Variants in ZMIZ1 observed in about 807,000 individuals in gnomAD.
ZMIZ1 encodes zinc finger MIZ-type containing 1, also known as zinc finger MIZ domain-containing protein 1.
Under a neutral mutation model 113.9 loss-of-function variants are expected in ZMIZ1, and 17 were observed. That is an observed-to-expected ratio of 0.15 (90% CI 0.10 to 0.22). ZMIZ1 has a LOEUF of 0.22. Ranked by LOEUF, ZMIZ1 falls within the 10% of genes least tolerant of loss-of-function variation. The pLI is 1.00. For synonymous variants in ZMIZ1, 607 were observed against 603.1 expected (o/e 1.01, Z -0.09); for missense variants, 1,059 against 1,477.8 (o/e 0.72, Z 4.65).
chr10:79,167,088 C>T (rs1306180198), intron 4 of ZMIZ1, among the ~76,000 whole-genome samples: 1 of 152,234 alleles, frequency 6.6e-6, no homozygotes, highest in Non-Finnish European at 1.5e-5. Context: ...CTCATGGCTC[C>T]ATCCTCGGAA....
intron 3 of ZMIZ1, among the ~76,000 whole-genome samples, chr10:79,144,980 G>A (rs1012416422): frequency 1.3e-5 from 2 of 151,114 alleles, no homozygotes; most frequent in South Asian, 2.1e-4. Context: ...CCACCTCCTC[G>A]CCATCCCTCC....
chr10:79,181,118 C>G (rs1847107687), intron 4 of ZMIZ1, among the ~76,000 whole-genome samples: 1 of 152,204 alleles, frequency 6.6e-6, no homozygotes. Context: ...GACCAAGAGT[C>G]AGTGTGGCCC....
chr10:79,202,097 G>C (rs1052904169), intron 5 of ZMIZ1, among the ~76,000 whole-genome samples: 4 of 146,406 alleles, frequency 2.7e-5, no homozygotes, highest in Non-Finnish European at 6.0e-5. Context: ...GCTGGGTGTG[G>C]CAGCTTACGC....
rs147909623 is a variant in ZMIZ1, at chr10:79,209,819, C to T, written c.174+1370C>T. On this transcript the variant is annotated intron_variant, in intron 6 of 24. Coordinates refer to ENST00000334512, the MANE Select transcript of ZMIZ1 (RefSeq NM_020338.4). ...AGACTTTTAACTGACTTCCCAAGGG[C>T]GCACAGCCTTAGAGGTGGGCCTGGG... is the stretch of plus-strand genomic sequence containing the variant. Among the ~76,000 whole-genome samples the T allele has an allele frequency of 1.8e-4, 28 of 152,360 alleles. No homozygotes were observed. The East Asian group carries it at 4.8e-3, about 26-fold the overall frequency.
intron 1 of ZMIZ1, among the ~76,000 whole-genome samples, chr10:79,114,965 C>A (rs896696435): frequency 6.6e-6 from 1 of 152,178 alleles, no homozygotes. Context: ...GGAGGACTTG[C>A]TAAAAATTTA....
intron 7 of ZMIZ1, among the ~76,000 whole-genome samples, chr10:79,236,257 C>T (rs989510520): frequency 1.3e-5 from 2 of 152,210 alleles, no homozygotes; most frequent in Non-Finnish European, 2.9e-5. Context: ...AAGCTTTGTG[C>T]TCAGCTGCCT....
chr10:79,244,842 G>T (rs563485040), intron 7 of ZMIZ1, among the ~76,000 whole-genome samples: 1 of 152,214 alleles, frequency 6.6e-6, no homozygotes, highest in East Asian at 1.9e-4. Context: ...CAGATGTTAC[G>T]TGGGGGCTCC....
In ZMIZ1 at chr10:79,238,504, T is replaced by C. The variant is rs114330264; in HGVS notation, c.280+22230T>C. 3.7e-3 allele frequency among the ~76,000 whole-genome samples: 559 copies of C among 152,296 alleles called. 6 individuals are homozygous for C. Among genetic ancestry groups the C allele is most frequent in the African/African-American group, 0.013 (544 of 41,552 alleles). ...AAAATGTCACACAAATGCTTACAAA[T>C]GCATAGATGCTAAACTCTAAAAAGA... On this transcript the variant is annotated intron_variant, in intron 7 of 24. Transcript: ENST00000334512.
intron 4 of ZMIZ1, among the ~76,000 whole-genome samples, chr10:79,170,941 A>G (rs7914926): frequency 0.4 from 60,971 of 151,932 alleles, 12,581 homozygotes; most frequent in Middle Eastern, 0.45. Flanking sequence ...CCCCTAGGAA[A>G]AGAGAGTGCC....
chr10:79,288,535 T>TAC (rs58375306), intron 8 of ZMIZ1, among the ~76,000 whole-genome samples: 8,017 of 151,594 alleles, frequency 0.053, 522 homozygotes, highest in African/African-American at 0.16. Context: ...CACACACACA[T>TAC]ACACACACAC....
At chr10:79,291,311 A>G (rs1265728762) in intron 10 of ZMIZ1, 135 bp downstream of exon 10, 14 of 1,150,526 alleles carry the variant, frequency 1.2e-5, no homozygotes, top group Admixed American at 6.1e-5. Context: ...CATGAGTTGA[A>G]GGGGCTCAGT....
rs1246892124 is a variant in ZMIZ1, at chr10:79,277,280, C to T, written c.380C>T (p.Pro127Leu). ...CCCCCTGGGAAACTCCCCATGCAGC[C>T]CCCTCTCAGCTCCATGAGCTCCATG... ...SDPPGKLPMQ[P>L]PLSSMSSMKP... The change falls in exon 8 of 25, where the codon CCC becomes CTC. Residue 127 changes from proline (P) to leucine (L), a missense_variant. Around this residue, in one of 6 missense-constraint regions of ZMIZ1, gnomAD observed 272 missense variants for 350.4 expected, o/e 0.78. Coordinates refer to ENST00000334512, the MANE Select transcript of ZMIZ1 (RefSeq NM_020338.4). 6.3e-7 allele frequency: 1 copy of T among 1,599,486 alleles called. No individual in the cohort carries two copies. Among genetic ancestry groups the T allele is most frequent in the Admixed American group, 1.8e-5 (1 of 56,848 alleles).
intron 4 of ZMIZ1, among the ~76,000 whole-genome samples, chr10:79,196,961 G>T (rs987715269): frequency 6.6e-6 from 1 of 152,196 alleles, no homozygotes; most frequent in African/African-American, 2.4e-5. Flanking sequence ...GGGAGAGGAC[G>T]GAGGGCCTGG....
chr10:79,315,746 CAGCGACTCA>C lies in ZMIZ1; in HGVS notation c.*3000_*3008del, dbSNP rs1429464686. The C allele has an allele frequency of 6.5e-6, 1 of 152,804 alleles. No homozygotes were observed. Among genetic ancestry groups the C allele is most frequent in the African/African-American group, 2.4e-5 (1 of 41,456 alleles). The allele number at this position is 152,804 out of a possible 1,614,324, so 9.5% of individuals were successfully genotyped here. On this transcript the variant is annotated 3_prime_UTR_variant, in exon 25 of 25. Transcript: ENST00000334512. Reference sequence around the variant, plus strand: ...CGTCCACACAGGGCCGTGTCAACAGCAGCGACTCAAGGGACGTGTGTACATATGTAAATG... The same window carrying C: ...CGTCCACACAGGGCCGTGTCAACAGCAGGGACGTGTGTACATATGTAAATG...
chr10:79,210,247 A>G lies in ZMIZ1; in HGVS notation c.174+1798A>G, dbSNP rs1450597716. 2.6e-5 allele frequency among the ~76,000 whole-genome samples: 4 copies of G among 152,122 alleles called. No homozygotes were observed. In the South Asian group the frequency reaches 6.2e-4, roughly 24 times the overall value. ...CATTGCCCCGAGCCTGACCCTGTCT[A>G]TCTAGGATGTGGGGACTTGAGACTG... On this transcript the variant is annotated intron_variant, in intron 6 of 24. Transcript: ENST00000334512.
chr10:79,237,152 T>C (rs1849622303), intron 7 of ZMIZ1, among the ~76,000 whole-genome samples: 1 of 152,046 alleles, frequency 6.6e-6, no homozygotes, highest in South Asian at 2.1e-4. Context: ...TGGAGGTGCA[T>C]CGGGTGCATT....
chr10:79,227,468 CT>C (rs112897136), intron 7 of ZMIZ1, among the ~76,000 whole-genome samples: 1 of 152,190 alleles, frequency 6.6e-6, no homozygotes, highest in African/African-American at 2.4e-5. Flanking sequence ...ACCCAGCCCC[CT>C]AATCACCAGT....
chr10:79,097,418 G>T (rs563961672), intron 1 of ZMIZ1, among the ~76,000 whole-genome samples: 1 of 152,212 alleles, frequency 6.6e-6, no homozygotes, highest in East Asian at 1.9e-4. Context: ...GTCACCAGGG[G>T]TCCCCGGACA....
intron 7 of ZMIZ1, among the ~76,000 whole-genome samples, chr10:79,236,937 T>C (rs1471400990): frequency 2.0e-5 from 3 of 152,128 alleles, no homozygotes; most frequent in Admixed American, 2.0e-4. Flanking sequence ...TTAAACAAGG[T>C]AAATAATTGA....
Sources: gnomAD v4.1 joint callset for allele counts (sites outside exome capture counted in the v4.1 genomes callset) on GRCh38, gnomAD v4.1.1 for gene constraint, gnomAD v4.1.1 regional missense constraint, MANE v1.5 for transcripts, NCBI Gene and HGNC (gene_info 2026-07-23, HGNC 2026-07-21) for gene names.